EFR3B: variants seen among roughly 807,000 people sequenced by gnomAD.
The protein encoded by EFR3B is protein EFR3 homolog B.
In EFR3B, 64 loss-of-function variants were observed where a neutral mutation model predicts 104.7. That is an observed-to-expected ratio of 0.61 (90% confidence interval 0.50 to 0.75). EFR3B has a LOEUF of 0.75. Among genes scored for constraint, EFR3B ranks in the 30% least tolerant of loss-of-function variants. The probability of loss-of-function intolerance (pLI) is 0.00; values close to 1 mark genes in which losing one functional copy is unlikely to be tolerated. For missense variants in EFR3B, 750 were observed against 1,078.5 expected, an observed-to-expected ratio of 0.70 and a Z score of 4.27; for synonymous variants, 385 against 417.9, an observed-to-expected ratio of 0.92 and a Z score of 0.96.
intron 3 of EFR3B, among the ~76,000 whole-genome samples, chr2:25,103,043 T>C (rs1277399598): frequency 1.3e-5 from 2 of 152,208 alleles, no homozygotes; most frequent in African/African-American, 4.8e-5. Flanking sequence ...AGATTCTTCA[T>C]AAAGATCTTG....
At chr2:25,145,274 C>A (rs930913726) in intron 19 of EFR3B, 30 of 566,606 alleles carry the variant, frequency 5.3e-5, no homozygotes, top group African/African-American at 3.7e-4. Context: ...TCATAAAACT[C>A]ACTCTTGAAA....
chr2:25,153,399 C>T (rs1370417753), intron 21 of EFR3B, among the ~76,000 whole-genome samples: 2 of 151,984 alleles, frequency 1.3e-5, no homozygotes, highest in Non-Finnish European at 2.9e-5. Context: ...TGCAGTCTCC[C>T]GACTCCATGC....
intron 4 of EFR3B, among the ~76,000 whole-genome samples, chr2:25,105,641 A>G (rs1259705109): frequency 6.6e-6 from 1 of 152,212 alleles, no homozygotes; most frequent in Non-Finnish European, 1.5e-5. Flanking sequence ...CTGAGGGGAA[A>G]GTCCTTTGTC....
In EFR3B at chr2:25,131,956, G is replaced by C; in HGVS notation, c.1147+45G>C. 1 of 888,138 alleles carries C rather than the reference G, an allele frequency of 1.1e-6. No homozygotes were observed. Among genetic ancestry groups the C allele is most frequent in the Non-Finnish European group, 1.5e-6 (1 of 648,624 alleles). 55.0% of individuals were successfully genotyped at this position (888,138 alleles called of 1,614,324 possible). A position where few individuals can be genotyped will look rare whatever the true frequency, so the allele number is the denominator to read the frequency against. ...CGGGGCGGGGCGGGGCCGAGGCGCGGAGTGGGGAGGGGAGGGGAGGGACGG... is the reference window on the plus strand; with the variant it reads ...CGGGGCGGGGCGGGGCCGAGGCGCGCAGTGGGGAGGGGAGGGGAGGGACGG... On this transcript the variant is annotated intron_variant, in intron 10 of 22. Transcript: ENST00000403714. This position sits in a 1 kb window ranked among gnomAD's most constrained non-coding sequence, Gnocchi z 7.6.
chr2:25,133,458 C>T lies in EFR3B; in HGVS notation c.1311+24C>T, dbSNP rs538638861. On this transcript the variant is annotated intron_variant, in intron 12 of 22. Coordinates refer to ENST00000403714, the MANE Select transcript of EFR3B (RefSeq NM_014971.2). ...AGGTGAGCCCCATCTATCCCCATTC[C>T]TGCTCTTCCTCTGCAGGAGACAGCT... The T allele has an allele frequency of 6.4e-6, 10 of 1,552,184 alleles. No individual in the cohort carries two copies. In the South Asian group the frequency reaches 1.1e-4, roughly 17 times the overall value.
chr2:25,045,602 C>T (rs796074699), intron 1 of EFR3B, among the ~76,000 whole-genome samples: 6 of 151,226 alleles, frequency 4.0e-5, no homozygotes, highest in African/African-American at 1.2e-4. Context: ...GCCAACATGG[C>T]GAAACCCCGT....
chr2:25,063,742 C>T (rs1282434741), intron 1 of EFR3B, among the ~76,000 whole-genome samples: 1 of 152,170 alleles, frequency 6.6e-6, no homozygotes. Context: ...CATGTTTTAC[C>T]ATCAACCGAT....
At chr2:25,118,170 G>A (rs185786160) in intron 4 of EFR3B, among the ~76,000 whole-genome samples, 5 of 151,898 alleles carry the variant, frequency 3.3e-5, no homozygotes, top group Non-Finnish European at 5.9e-5. Context: ...TAGTAGAGAC[G>A]GGGTTTCACC....
chr2:25,104,741 C>T (rs1669517729), intron 4 of EFR3B, among the ~76,000 whole-genome samples: 1 of 152,202 alleles, frequency 6.6e-6, no homozygotes, highest in Non-Finnish European at 1.5e-5. Context: ...TCAGTTCTGC[C>T]CTTCCCTCGC....
intron 20 of EFR3B, among the ~76,000 whole-genome samples, chr2:25,150,896 C>T (rs149948125): frequency 6.4e-4 from 97 of 152,158 alleles, no homozygotes; most frequent in African/African-American, 2.2e-3. Context: ...CAGGCATAAC[C>T]CACTGCACCT....
intron 4 of EFR3B, among the ~76,000 whole-genome samples, chr2:25,112,138 G>A (rs747637240): frequency 1.3e-5 from 2 of 152,220 alleles, no homozygotes; most frequent in African/African-American, 2.4e-5. Flanking sequence ...ACTGTCACCT[G>A]TCGACTAGAT....
At chr2:25,148,340 A>C (rs1276089737) in intron 19 of EFR3B, among the ~76,000 whole-genome samples, 3 of 149,164 alleles carry the variant, frequency 2.0e-5, no homozygotes, top group African/African-American at 7.4e-5. Context: ...TGCAATCTCC[A>C]CCTCCCGGTT....
chr2:25,145,085 C>T (rs965653366), intron 19 of EFR3B, 34 bp downstream of exon 19: 2 of 1,544,228 alleles, frequency 1.3e-6, no homozygotes, highest in African/African-American at 1.4e-5. Context: ...GGGGCAGCCC[C>T]ACCTCCTGTA....
At chr2:25,104,449 G>A (rs142091302) in intron 4 of EFR3B, among the ~76,000 whole-genome samples, 147 of 152,288 alleles carry the variant, frequency 9.7e-4, no homozygotes, top group African/African-American at 3.3e-3. Context: ...AATGTGTTTA[G>A]CGTTAGATTG....
rs554243417 is a variant in EFR3B, at chr2:25,042,650, C to T, written c.7+331C>T. ...GGAGGTGGTCGTGTGGCAGCATTTG[C>T]GGAATTAACAAAAGCGGTTTGTGCC... On this transcript the variant is annotated intron_variant, in intron 1 of 22. Coordinates refer to ENST00000403714, the MANE Select transcript of EFR3B (RefSeq NM_014971.2). This position sits in a 1 kb window ranked among gnomAD's most constrained non-coding sequence, Gnocchi z 5.4. 8.1e-6 allele frequency: 9 copies of T among 1,104,954 alleles called. No homozygotes were observed. Among genetic ancestry groups the T allele is most frequent in the Middle Eastern group, 3.9e-4 (1 of 2,570 alleles). The allele number at this position is 1,104,954 out of a possible 1,614,324, so 68.4% of individuals were successfully genotyped here.
intron 3 of EFR3B, among the ~76,000 whole-genome samples, chr2:25,103,065 A>T (rs988042650): frequency 1.3e-5 from 2 of 151,698 alleles, no homozygotes; most frequent in Non-Finnish European, 2.9e-5. Context: ...CTTCCTCCCC[A>T]CTCGAGCCAT....
chr2:25,129,352 G>C (rs1367936589), intron 6 of EFR3B, among the ~76,000 whole-genome samples: 3 of 110,926 alleles, frequency 2.7e-5, no homozygotes, highest in African/African-American at 1.6e-4. Context: ...GCGGGGGCGG[G>C]GCGTGGGGTG....
intron 1 of EFR3B, among the ~76,000 whole-genome samples, chr2:25,083,580 C>A (rs768387574): frequency 1.3e-5 from 2 of 152,134 alleles, no homozygotes; most frequent in Non-Finnish European, 2.9e-5. Context: ...GGGTTCCCAG[C>A]ACCCACTAAG....
At chr2:25,082,989 T>A (rs1489760641) in intron 1 of EFR3B, among the ~76,000 whole-genome samples, 1 of 152,142 alleles carries the variant, frequency 6.6e-6, no homozygotes, top group Non-Finnish European at 1.5e-5. Context: ...TGGGGCAAAA[T>A]GAGCCATCGA....
Sources: allele counts gnomAD v4.1 joint callset (sites outside exome capture counted in the v4.1 genomes callset), GRCh38; gene constraint gnomAD v4.1.1; non-coding constraint Gnocchi (gnomAD v3.1); transcripts MANE v1.5; gene names NCBI Gene and HGNC (gene_info 2026-07-23, HGNC 2026-07-21).